PLXNC1: variants seen among roughly 807,000 people sequenced by gnomAD.
PLXNC1 encodes the protein plexin C1, also known as plexin-C1.
In PLXNC1, 75 loss-of-function variants were observed where a neutral mutation model predicts 178.2. The observed-to-expected ratio is 0.42, with a 90% CI of 0.35 to 0.51. PLXNC1 has a LOEUF of 0.51. Among genes scored for constraint, PLXNC1 ranks in the 20% least tolerant of loss-of-function variants. PLXNC1 has a pLI of 0.02. For missense variants in PLXNC1, 1,503 were observed against 1,984.4 expected (o/e 0.76, Z 4.61); for synonymous variants, 790 against 779.9 (o/e 1.01, Z -0.22).
At chr12:94,261,224 T>C (rs1964981527) in intron 20 of PLXNC1, among the ~76,000 whole-genome samples, 1 of 152,244 alleles carries the variant, frequency 6.6e-6, no homozygotes. Flanking sequence ...CCTACCAATA[T>C]GCTGTAAGCT....
intron 9 of PLXNC1, among the ~76,000 whole-genome samples, chr12:94,228,237 G>A (rs1429263794): frequency 6.6e-6 from 1 of 152,218 alleles, no homozygotes; most frequent in African/African-American, 2.4e-5. Flanking sequence ...GGTATCTCCA[G>A]ACTTTAGCAG....
chr12:94,182,081 A>G (rs1962329114), intron 3 of PLXNC1, among the ~76,000 whole-genome samples: 2 of 152,118 alleles, frequency 1.3e-5, no homozygotes, highest in South Asian at 4.1e-4. Context: ...AATAAAAGTA[A>G]TATATTTTTA....
intron 1 of PLXNC1, among the ~76,000 whole-genome samples, chr12:94,160,777 G>A (rs773294128): frequency 1.3e-5 from 2 of 152,128 alleles, no homozygotes; most frequent in Non-Finnish European, 2.9e-5. Context: ...TGCATGAAAT[G>A]AAAACATTGG....
chr12:94,154,090 A>T (rs1268655140), intron 1 of PLXNC1, among the ~76,000 whole-genome samples: 1 of 152,244 alleles, frequency 6.6e-6, no homozygotes, highest in East Asian at 1.9e-4. Flanking sequence ...ACTTAGAAAG[A>T]GGGGAAAGCA....
At chr12:94,150,108 C>A in intron 1 of PLXNC1, 75 bp downstream of exon 1, 1 of 1,222,072 alleles carries the variant, frequency 8.2e-7, no homozygotes, top group Non-Finnish European at 1.1e-6. Flanking sequence ...GCAGAACGAG[C>A]TGGGGGCGAG....
At chr12:94,161,779 TG>T (rs1961392827) in intron 1 of PLXNC1, among the ~76,000 whole-genome samples, 1 of 152,202 alleles carries the variant, frequency 6.6e-6, no homozygotes, top group Non-Finnish European at 1.5e-5. Flanking sequence ...ATGGGAGGTC[TG>T]GGGTGGTTTT....
At chr12:94,153,927 C>T (rs1390073928) in intron 1 of PLXNC1, among the ~76,000 whole-genome samples, 3 of 152,184 alleles carry the variant, frequency 2.0e-5, no homozygotes, top group African/African-American at 7.2e-5. Context: ...TCAAAATCCG[C>T]AGTCTTCTTG....
Position 94,148,747 on chromosome 12 carries a change from G to C in PLXNC1, c.-225G>C, listed in dbSNP as rs1393079038. On this transcript the variant is annotated 5_prime_UTR_variant, in exon 1 of 31. Transcript: ENST00000258526. The surrounding 1 kb of genome is among the most constrained non-coding windows in gnomAD (Gnocchi z 4.8). The stretch of plus-strand genomic sequence containing the variant: ...GGCGAGGAGGAAACGGTGCCGGAGC[G>C]CGCAGGGCTTGCTGCCGCCACCGCC... 2 of 151,592 alleles carry C rather than the reference G, an allele frequency of 1.3e-5. No individual in the cohort carries two copies. The highest frequency in any genetic ancestry group is 4.8e-5 in the African/African-American group (2 of 41,320). The allele number at this position is 151,592 out of a possible 1,614,324, so 9.4% of individuals were successfully genotyped here.
intron 15 of PLXNC1, among the ~76,000 whole-genome samples, 158 bp downstream of exon 15, chr12:94,251,686 A>C (rs1280956178): frequency 6.6e-6 from 1 of 152,208 alleles, no homozygotes; most frequent in African/African-American, 2.4e-5. Flanking sequence ...GTACACGCTG[A>C]GGGCTTTCTA....
intron 17 of PLXNC1, among the ~76,000 whole-genome samples, chr12:94,258,302 T>C (rs1964911578): frequency 1.3e-5 from 2 of 152,172 alleles, no homozygotes; most frequent in Admixed American, 1.3e-4. Context: ...GTTTGTTTTT[T>C]TGGGGCTTTT....
chr12:94,267,035 C>G (rs1200174204), intron 21 of PLXNC1, among the ~76,000 whole-genome samples: 1 of 152,232 alleles, frequency 6.6e-6, no homozygotes, highest in Admixed American at 6.5e-5. Flanking sequence ...GAACAAGAGA[C>G]AAACTTTGCA....
rs1396143626 is a variant in PLXNC1 at position 94,149,089 on chromosome 12, T to A, written c.118T>A (p.Trp40Arg). Reference protein sequence around the residue: ...APGRGADEPVWRSEQAIGAIA... With the variant: ...APGRGADEPVRRSEQAIGAIA... ...CGGCCGGGGCGCGGACGAGCCCGTGTGGCGGTCGGAGCAAGCCATCGGAGC... is the reference window on the plus strand; with the variant it reads ...CGGCCGGGGCGCGGACGAGCCCGTGAGGCGGTCGGAGCAAGCCATCGGAGC... The change falls in exon 1 of 31, where the codon TGG becomes AGG. Residue 40 changes from tryptophan to arginine, a missense_variant. Around this residue, in one of 4 missense-constraint regions of PLXNC1, gnomAD observed 176 missense variants for 180.7 expected, o/e 0.97. Transcript: ENST00000258526. 6.3e-7 allele frequency: 1 copy of A among 1,576,900 alleles called. No individual in the cohort carries two copies. Among genetic ancestry groups the A allele is most frequent in the Non-Finnish European group, 8.6e-7 (1 of 1,168,232 alleles).
chr12:94,154,858 A>AC (rs1181658488), intron 1 of PLXNC1, among the ~76,000 whole-genome samples: 2 of 151,366 alleles, frequency 1.3e-5, no homozygotes, highest in Non-Finnish European at 2.9e-5. Context: ...TCTCTGTTGA[A>AC]CCCCCCATAC....
At chr12:94,183,377 A>G (rs1962397048) in intron 3 of PLXNC1, among the ~76,000 whole-genome samples, 1 of 152,272 alleles carries the variant, frequency 6.6e-6, no homozygotes, top group African/African-American at 2.4e-5. Flanking sequence ...TCCTATGCCA[A>G]TTTGCTTCAC....
At chr12:94,159,073 T>C (rs2135926478) in intron 1 of PLXNC1, among the ~76,000 whole-genome samples, 1 of 152,350 alleles carries the variant, frequency 6.6e-6, no homozygotes, top group East Asian at 1.9e-4. Context: ...AGAAGGACTA[T>C]CATTTGTTCG....
rs556413708 is a variant in PLXNC1, at chr12:94,253,856, T to C, written c.2882-931T>C. 2.0e-5 allele frequency among the ~76,000 whole-genome samples: 3 copies of C among 152,174 alleles called. No homozygotes were observed. The East Asian group carries it at 5.8e-4, about 29-fold the overall frequency. ...ACCCATCTAATTTTCTATTTTTTTG[T>C]AGAGACAGAAAAATATCTTTCTCTG... is the stretch of plus-strand genomic sequence containing the variant. On this transcript the variant is annotated intron_variant, in intron 15 of 30. Coordinates refer to ENST00000258526, the MANE Select transcript of PLXNC1 (RefSeq NM_005761.3).
intron 1 of PLXNC1, among the ~76,000 whole-genome samples, chr12:94,157,888 T>A (rs934328857): frequency 4.6e-5 from 7 of 152,242 alleles, no homozygotes. Context: ...TGTGTTCCAT[T>A]AAAATGTTAT....
intron 24 of PLXNC1, among the ~76,000 whole-genome samples, chr12:94,296,054 C>T (rs1967889449): frequency 6.6e-6 from 1 of 152,208 alleles, no homozygotes; most frequent in African/African-American, 2.4e-5. Context: ...CCATCCTTTC[C>T]AACCTTCTTG....
Position 94,303,749 on chromosome 12 carries a change from T to TCCCC in PLXNC1, c.4387-6_4387-3dup, listed in dbSNP as rs67648319. On this transcript the variant is annotated splice_polypyrimidine_tract_variant and splice_region_variant and intron_variant, in intron 28 of 30. Transcript: ENST00000258526. ...GATGGTTGCTTTTTTTTTTTTTTTT[T>TCCCC]CCCCAGGAAGCACCAACTAATAAGC... 8.2e-6 allele frequency: 11 copies of TCCCC among 1,344,656 alleles called. No homozygotes were observed. In the African/African-American group the frequency reaches 1.6e-4, roughly 19 times the overall value. The allele number at this position is 1,344,656 out of a possible 1,614,324, so 83.3% of individuals were successfully genotyped here.
Sources: gnomAD v4.1 joint callset for allele counts (sites outside exome capture counted in the v4.1 genomes callset) on GRCh38, gnomAD v4.1.1 for gene constraint, gnomAD v4.1.1 regional missense constraint, Gnocchi (gnomAD v3.1) non-coding constraint, MANE v1.5 for transcripts, NCBI Gene and HGNC (gene_info 2026-07-23, HGNC 2026-07-21) for gene names.